Variants in ZNF765 observed in about 807,000 individuals in gnomAD.
The protein encoded by ZNF765 is zinc finger protein 765.
Under a neutral mutation model 44.7 loss-of-function variants are expected in ZNF765, and 37 were observed. The observed-to-expected ratio is 0.83, with a 90% CI of 0.64 to 1.09. The LOEUF (loss-of-function observed/expected upper bound fraction) is 1.09, where lower values mean the gene tolerates loss of function less well. Among genes scored for constraint, ZNF765 ranks in the 50% least tolerant of loss-of-function variants. ZNF765 has a pLI of 0.00. For synonymous variants in ZNF765, 201 were observed against 213.7 expected (o/e 0.94, Z 0.52); for missense variants, 594 against 626.1 (o/e 0.95, Z 0.55).
chr19:53,417,194 A>C (rs142881550), intron 3 of ZNF765, among the ~76,000 whole-genome samples: 1 of 152,180 alleles, frequency 6.6e-6, no homozygotes, highest in African/African-American at 2.4e-5. Flanking sequence ...AACGTGTGTC[A>C]TGGGAGTTTG....
chr19:53,413,977 A>G (rs926107309), downstream of ZNF765, among the ~76,000 whole-genome samples: 10 of 143,292 alleles, frequency 7.0e-5, no homozygotes, highest in Non-Finnish European at 1.4e-4. Context: ...ACGGTGGCTC[A>G]TGCCGCTAAT....
At chr19:53,415,516 G>T (rs1023975369), downstream of ZNF765, among the ~76,000 whole-genome samples, 1 of 152,104 alleles carries the variant, frequency 6.6e-6, no homozygotes, top group African/African-American at 2.4e-5. Flanking sequence ...AGATATAAAT[G>T]ACTACTTTTT....
At chr19:53,398,905 A>G (rs1053122876) in intron 2 of ZNF765, among the ~76,000 whole-genome samples, 1 of 151,958 alleles carries the variant, frequency 6.6e-6, no homozygotes, top group Non-Finnish European at 1.5e-5. Flanking sequence ...GTGCACCACC[A>G]CGCCCAGCTA....
intron 1 of ZNF765, among the ~76,000 whole-genome samples, chr19:53,395,923 A>G (rs755939725): frequency 6.6e-6 from 1 of 152,162 alleles, no homozygotes; most frequent in Non-Finnish European, 1.5e-5. Context: ...ACAGAAAAGA[A>G]GAATAAAAAA....
chr19:53,418,910 G>GAAAAAAAA (rs34443506), intron 3 of ZNF765, among the ~76,000 whole-genome samples: 3 of 96,848 alleles, frequency 3.1e-5, no homozygotes, highest in South Asian at 3.9e-4. Flanking sequence ...GTTGTGGGAG[G>GAAAAAAAA]AAAAAAAAAA....
At chr19:53,399,026 C>T (rs1440034883) in intron 2 of ZNF765, among the ~76,000 whole-genome samples, 3 of 151,974 alleles carry the variant, frequency 2.0e-5, no homozygotes, top group African/African-American at 7.2e-5. Flanking sequence ...GCTGGGATTA[C>T]AGGTATAAGC....
intron 3 of ZNF765, among the ~76,000 whole-genome samples, chr19:53,418,669 G>T (rs539487145): frequency 4.0e-5 from 6 of 150,616 alleles, no homozygotes; most frequent in East Asian, 2.0e-4. Context: ...GGCCAATGGT[G>T]GGGGGGGCGG....
At chr19:53,402,511 C>T (rs1433380425) in intron 3 of ZNF765, among the ~76,000 whole-genome samples, 2 of 152,058 alleles carry the variant, frequency 1.3e-5, no homozygotes, top group South Asian at 2.1e-4. Context: ...CCACACACCT[C>T]GGCCTCCCAA....
chr19:53,408,334 G>C lies in ZNF765; in HGVS notation c.779G>C (p.Arg260Pro), dbSNP rs200234351. The change falls in exon 4 of 4, where the codon CGC becomes CCC. Residue 260 changes from arginine (R) to proline (P), a missense_variant. By Grantham distance (103) the Arg-to-Pro change is moderately radical. Coordinates refer to ENST00000396408, the MANE Select transcript of ZNF765 (RefSeq NM_001040185.3). Reference protein sequence around the residue: ...KVFNSKRYVARHRRCHTGEKP... With the variant: ...KVFNSKRYVAPHRRCHTGEKP... ...TTTAATTCGAAGCGATACGTTGCAC[G>C]CCATCGTAGATGTCACACTGGTGAG... 6.2e-7 allele frequency: 1 copy of C among 1,614,196 alleles called. No homozygotes were observed. Among genetic ancestry groups the C allele is most frequent in the South Asian group, 1.1e-5 (1 of 91,084 alleles).
At chr19:53,414,872 A>G (rs1489958038), downstream of ZNF765, among the ~76,000 whole-genome samples, 3 of 152,152 alleles carry the variant, frequency 2.0e-5, no homozygotes, top group Middle Eastern at 3.4e-3. Flanking sequence ...CAGCTCTGTC[A>G]ATGTGTAAAC....
In ZNF765 at chr19:53,409,791, G is replaced by T; in HGVS notation, c.*664G>T. 4 of 750,688 alleles carry T rather than the reference G, an allele frequency of 5.3e-6. No individual in the cohort carries two copies. The highest frequency in any genetic ancestry group is 1.4e-5 in the South Asian group (1 of 73,498). The allele number at this position is 750,688 out of a possible 1,614,324, so 46.5% of individuals were successfully genotyped here. A position where few individuals can be genotyped will look rare whatever the true frequency, so the allele number is the denominator to read the frequency against. Reference sequence around the variant, plus strand: ...ACTGGAGAGATACCTTAAAAGTGTAGTGAGTGTGGCAAGACCTTTAGTCTG... The same window carrying T: ...ACTGGAGAGATACCTTAAAAGTGTATTGAGTGTGGCAAGACCTTTAGTCTG... On this transcript the variant is annotated 3_prime_UTR_variant, in exon 4 of 4. Coordinates refer to ENST00000396408, the MANE Select transcript of ZNF765 (RefSeq NM_001040185.3).
chr19:53,398,631 AT>A (rs1216881909), intron 2 of ZNF765, among the ~76,000 whole-genome samples: 1 of 152,152 alleles, frequency 6.6e-6, no homozygotes, highest in Non-Finnish European at 1.5e-5. Context: ...ATAGCAGGAG[AT>A]TCATTCAACC....
intron 3 of ZNF765, among the ~76,000 whole-genome samples, chr19:53,421,794 A>C (rs923987431): frequency 6.6e-6 from 1 of 152,186 alleles, no homozygotes; most frequent in African/African-American, 2.4e-5. Flanking sequence ...GATTACAGGC[A>C]TGAGCCACCA....
chr19:53,401,408 A>C (rs1282236494), intron 2 of ZNF765, among the ~76,000 whole-genome samples: 1 of 151,890 alleles, frequency 6.6e-6, no homozygotes, highest in East Asian at 1.9e-4. Flanking sequence ...CTAAAAATAC[A>C]AAAAATTAGC....
At chr19:53,420,779 T>C (rs1176332940) in intron 3 of ZNF765, among the ~76,000 whole-genome samples, 1 of 152,122 alleles carries the variant, frequency 6.6e-6, no homozygotes, top group Non-Finnish European at 1.5e-5. Context: ...TTGGTAAAAG[T>C]CATCGCCATT....
rs1600059377 is a variant in ZNF765 at position 53,409,014 on chromosome 19, C to T, written c.1459C>T (p.Leu487Phe). 2.5e-6 allele frequency: 4 copies of T among 1,603,944 alleles called. No individual in the cohort carries two copies. The highest frequency in any genetic ancestry group is 3.4e-5 in the Admixed American group (2 of 59,614). ...RTSSLTYHHR[L>F]HTGQKPYKCE... ...GTCATCCCTTACATACCATCATAGA[C>T]TTCATACTGGACAGAAACCTTACAA... Residue 487 changes from leucine to phenylalanine, a missense_variant, in exon 4 of 4, where the codon CTT becomes TTT. Physicochemically the swap from Leu to Phe is conservative, Grantham distance 22. Coordinates refer to ENST00000396408, the MANE Select transcript of ZNF765 (RefSeq NM_001040185.3).
chr19:53,408,638 C>T lies in ZNF765; in HGVS notation c.1083C>T (p.Gly361=). ...AACCTTACAAGTGTAATGAGTGTGG[C>T]AAGACCTTTAGTCGGAAGTCACATT... ...GEKPYKCNEC[G]KTFSRKSHFT... The change falls in exon 4 of 4, where the codon GGC becomes GGT. Residue 361 remains glycine (G), a synonymous_variant. Transcript: ENST00000396408. The T allele has an allele frequency of 6.2e-7, 1 of 1,613,866 alleles. No individual in the cohort carries two copies. Among genetic ancestry groups the T allele is most frequent in the Non-Finnish European group, 8.5e-7 (1 of 1,179,932 alleles).
intron 3 of ZNF765, among the ~76,000 whole-genome samples, chr19:53,403,317 G>T (rs556033008): frequency 6.6e-6 from 1 of 152,274 alleles, no homozygotes; most frequent in Admixed American, 6.5e-5. Context: ...TGATGGAGAA[G>T]ACCTTACCCT....
intron 3 of ZNF765, among the ~76,000 whole-genome samples, chr19:53,417,251 AATC>A (rs2085880591): frequency 6.6e-6 from 1 of 152,278 alleles, no homozygotes; most frequent in Non-Finnish European, 1.5e-5. Flanking sequence ...AGTGCCCACT[AATC>A]ATATTTCCTG....
Sources: allele counts gnomAD v4.1 joint callset (sites outside exome capture counted in the v4.1 genomes callset), GRCh38; gene constraint gnomAD v4.1.1; transcripts MANE v1.5; gene names NCBI Gene and HGNC (gene_info 2026-07-23, HGNC 2026-07-21).